The following ATP2A2 variants were observed in gnomAD, a reference collection of about 807,000 sequenced individuals.
The protein encoded by ATP2A2 is ATPase sarcoplasmic/endoplasmic reticulum Ca2+ transporting 2, also known as sarcoplasmic/endoplasmic reticulum calcium ATPase 2.
A neutral mutation model predicts 109.3 loss-of-function variants in ATP2A2; 14 were observed. That is an observed-to-expected ratio of 0.13 (90% CI 0.08 to 0.20). The LOEUF is 0.20. Ranked by LOEUF, ATP2A2 falls within the 10% of genes least tolerant of loss-of-function variation. ATP2A2 has a pLI of 1.00. For missense variants in ATP2A2, 657 were observed against 1,321.6 expected (o/e 0.50, Z 7.80); for synonymous variants, 506 against 490.9 (o/e 1.03, Z -0.41).
At chr12:110,285,906 G>T (rs978236627) in intron 3 of ATP2A2, among the ~76,000 whole-genome samples, 4 of 145,252 alleles carry the variant, frequency 2.8e-5, no homozygotes, top group African/African-American at 1.0e-4. Context: ...AGACCCCCTT[G>T]AGTTAGTGCT....
chr12:110,341,366 C>A (rs1303832199), intron 14 of ATP2A2, among the ~76,000 whole-genome samples: 3 of 151,960 alleles, frequency 2.0e-5, no homozygotes, highest in African/African-American at 7.3e-5. Flanking sequence ...TGAAGCATTT[C>A]CAGTATTCTT....
chr12:110,281,889 G>T lies in ATP2A2; in HGVS notation c.100G>T (p.Glu34Ter). The T allele has an allele frequency of 6.3e-7, 1 of 1,581,428 alleles. No individual in the cohort carries two copies. Residue 34 changes from glutamate (E) to a stop codon, truncating the protein, a stop_gained, in exon 1 of 20, where the codon GAG becomes TAG. Transcript: ENST00000539276. LOFTEE classifies it high-confidence loss of function. ...LSLEQVKKLK[E>*]RWGSNELPAE... ...CCTGGAACAGGTCAAGAAGCTTAAG[G>T]AGAGATGGGGCTCCAACGGTAGGTG... is the stretch of plus-strand genomic sequence containing the variant.
intron 5 of ATP2A2, among the ~76,000 whole-genome samples, chr12:110,311,446 G>A (rs769944758): frequency 2.6e-5 from 4 of 151,782 alleles, no homozygotes; most frequent in African/African-American, 9.7e-5. Flanking sequence ...AAAATTAGCC[G>A]GGTGCAGTGG....
rs1055041169 is a variant in ATP2A2 at position 110,348,037 on chromosome 12, C to G, written c.*1567C>G. 3 of 986,508 alleles carry G rather than the reference C, an allele frequency of 3.0e-6. No individual in the cohort carries two copies. In the African/African-American group the frequency reaches 5.2e-5, roughly 17 times the overall value. 61.1% of individuals were successfully genotyped at this position (986,508 alleles called of 1,614,324 possible). A position where few individuals can be genotyped will look rare whatever the true frequency, so the allele number is the denominator to read the frequency against. On this transcript the variant is annotated 3_prime_UTR_variant, in exon 20 of 20. Transcript: ENST00000539276. ...CCTAGGACAAGATGACCAGGAGGGC[C>G]CAAGCCAGACAAAAGCCGGAGTGGG...
chr12:110,288,484 A>G (rs567531571), intron 3 of ATP2A2, among the ~76,000 whole-genome samples: 1 of 151,198 alleles, frequency 6.6e-6, no homozygotes, highest in Admixed American at 6.6e-5. Context: ...GGCTCGCTGT[A>G]ACCTCTGCCT....
intron 5 of ATP2A2, among the ~76,000 whole-genome samples, chr12:110,306,301 A>T (rs1003903157): frequency 6.6e-6 from 1 of 152,218 alleles, no homozygotes; most frequent in Admixed American, 6.5e-5. Flanking sequence ...GGCCTCCCAA[A>T]GTACTGGGAT....
intron 3 of ATP2A2, among the ~76,000 whole-genome samples, chr12:110,289,936 G>C (rs1043137554): frequency 6.6e-6 from 1 of 152,192 alleles, no homozygotes; most frequent in African/African-American, 2.4e-5. Context: ...GGGAAGTGCA[G>C]TGTGACTCTT....
rs3026489 is a variant in ATP2A2, at chr12:110,346,773, T to C, written c.*303T>C. 0.035 allele frequency: 41,522 copies of C among 1,182,740 alleles called. 886 individuals are homozygous for C. Among genetic ancestry groups the C allele is most frequent in the Admixed American group, 0.061 (1,384 of 22,624 alleles). The allele number at this position is 1,182,740 out of a possible 1,614,324, so 73.3% of individuals were successfully genotyped here. On this transcript the variant is annotated 3_prime_UTR_variant, in exon 20 of 20. Coordinates refer to ENST00000539276, the MANE Select transcript of ATP2A2 (RefSeq NM_170665.4). The stretch of plus-strand genomic sequence containing the variant: ...AATACTCATCCTTGTATAAAAAAAA[T>C]AGTTGAGCCAGCAGACATTGTCAGC...
At chr12:110,315,445 C>G (rs1876563139) in intron 5 of ATP2A2, among the ~76,000 whole-genome samples, 1 of 151,984 alleles carries the variant, frequency 6.6e-6, no homozygotes, top group African/African-American at 2.4e-5. Flanking sequence ...TATATTTTGT[C>G]TGTTGTGTAT....
chr12:110,286,968 G>T (rs896242151), intron 3 of ATP2A2, among the ~76,000 whole-genome samples: 5 of 152,022 alleles, frequency 3.3e-5, no homozygotes, highest in African/African-American at 1.2e-4. Context: ...GCTTTATTTG[G>T]CCGGGTGCAG....
chr12:110,320,879 T>A (rs1438653694), intron 5 of ATP2A2, among the ~76,000 whole-genome samples: 1 of 152,222 alleles, frequency 6.6e-6, no homozygotes, highest in Non-Finnish European at 1.5e-5. Flanking sequence ...AACCATATTC[T>A]CCCTGAACTT....
At chr12:110,295,342 C>T (rs945594705) in intron 4 of ATP2A2, among the ~76,000 whole-genome samples, 11 of 152,066 alleles carry the variant, frequency 7.2e-5, no homozygotes, top group South Asian at 2.1e-4. Context: ...TTGCATTTTT[C>T]GTAGAGACAC....
At chr12:110,310,287 A>G (rs1480409130) in intron 5 of ATP2A2, among the ~76,000 whole-genome samples, 2 of 151,132 alleles carry the variant, frequency 1.3e-5, no homozygotes, top group Non-Finnish European at 2.9e-5. Context: ...GTGCCCGGCC[A>G]TGGTTTTGTG....
chr12:110,313,918 T>C (rs1207392120), intron 5 of ATP2A2, among the ~76,000 whole-genome samples: 2 of 151,308 alleles, frequency 1.3e-5, no homozygotes, highest in Admixed American at 6.6e-5. Flanking sequence ...TTCACCATGT[T>C]GGCCAGGCTG....
chr12:110,349,179 G>A lies in ATP2A2; in HGVS notation c.*2709G>A, dbSNP rs535016964. The A allele has an allele frequency of 3.7e-5, 36 of 985,532 alleles. No individual in the cohort carries two copies. Among genetic ancestry groups the A allele is most frequent in the Middle Eastern group, 1.0e-3 (2 of 1,916 alleles). 61.0% of individuals were successfully genotyped at this position (985,532 alleles called of 1,614,324 possible). A position where few individuals can be genotyped will look rare whatever the true frequency, so the allele number is the denominator to read the frequency against. ...CTCCATTTCACTGAAGGCTTTGCTGGGTGAAAACACTTCAGCATCTCCTCC... is the reference window on the plus strand; with the variant it reads ...CTCCATTTCACTGAAGGCTTTGCTGAGTGAAAACACTTCAGCATCTCCTCC... On this transcript the variant is annotated 3_prime_UTR_variant, in exon 20 of 20. Coordinates refer to ENST00000539276, the MANE Select transcript of ATP2A2 (RefSeq NM_170665.4).
At position 110,342,547 on chromosome 12, in the gene ATP2A2, G is replaced by A. The variant is rs1229076057; in HGVS notation, c.2318+99G>A. ...TGCTCTCCAGATTGCAGCAGCTTTG[G>A]TCTTTGTGCCTGAGTTGGAAGAGGG... On this transcript the variant is annotated intron_variant, in intron 15 of 19. Transcript: ENST00000539276. This position sits in a 1 kb window ranked among gnomAD's most constrained non-coding sequence, Gnocchi z 4.6. 8.7e-6 allele frequency: 12 copies of A among 1,383,130 alleles called. No individual in the cohort carries two copies. The highest frequency in any genetic ancestry group is 1.2e-5 in the Non-Finnish European group (12 of 993,146). The allele number at this position is 1,383,130 out of a possible 1,614,324, so 85.7% of individuals were successfully genotyped here.
intron 11 of ATP2A2, among the ~76,000 whole-genome samples, chr12:110,338,837 C>T (rs1445559848): frequency 6.6e-6 from 1 of 152,210 alleles, no homozygotes; most frequent in Non-Finnish European, 1.5e-5. Flanking sequence ...CTGCCATTAC[C>T]TGCCTCACCT....
intron 5 of ATP2A2, among the ~76,000 whole-genome samples, chr12:110,302,624 G>A (rs1476748956): frequency 2.0e-5 from 3 of 150,686 alleles, no homozygotes; most frequent in Non-Finnish European, 4.4e-5. Flanking sequence ...TTTTGAGACA[G>A]GGTCTCACTC....
At chr12:110,292,716 G>A (rs1873450666) in intron 4 of ATP2A2, among the ~76,000 whole-genome samples, 1 of 152,194 alleles carries the variant, frequency 6.6e-6, no homozygotes, top group African/African-American at 2.4e-5. Flanking sequence ...GAACCCAGGA[G>A]GTCAAGACTG....
Sources: allele counts gnomAD v4.1 joint callset (sites outside exome capture counted in the v4.1 genomes callset), GRCh38; gene constraint gnomAD v4.1.1; non-coding constraint Gnocchi (gnomAD v3.1); transcripts MANE v1.5; gene names NCBI Gene and HGNC (gene_info 2026-07-23, HGNC 2026-07-21).